The following PRDM16 variants were observed in gnomAD, a reference collection of about 807,000 sequenced individuals.
The protein encoded by PRDM16 is histone-lysine N-methyltransferase PRDM16.
In PRDM16, 23 loss-of-function variants were observed where a neutral mutation model predicts 110.6. The observed-to-expected ratio is 0.21, with a 90% CI of 0.15 to 0.29. The LOEUF (loss-of-function observed/expected upper bound fraction) is 0.29, where lower values mean the gene tolerates loss of function less well. Ranked by LOEUF, PRDM16 falls within the 10% of genes least tolerant of loss-of-function variation. The pLI is 1.00. For synonymous variants in PRDM16, 799 were observed against 781.8 expected (o/e 1.02, Z -0.37); for missense variants, 1,615 against 1,794.3 (o/e 0.90, Z 1.81).
intron 2 of PRDM16, among the ~76,000 whole-genome samples, chr1:3,195,582 C>T (rs1031271797): frequency 1.3e-5 from 2 of 149,724 alleles, no homozygotes; most frequent in African/African-American, 2.5e-5. Context: ...GCATCCCACA[C>T]GCCCCGCCCC....
At chr1:3,329,677 C>A (rs1056276604) in intron 3 of PRDM16, among the ~76,000 whole-genome samples, 1 of 152,234 alleles carries the variant, frequency 6.6e-6, no homozygotes, top group Non-Finnish European at 1.5e-5. Flanking sequence ...TCTCTTCCAG[C>A]TGCCTGGCCC....
In PRDM16 at chr1:3,408,107, C is replaced by T. The variant is rs114590182; in HGVS notation, c.1186+2459C>T. Among the ~76,000 whole-genome samples, 1,008 of 152,302 alleles carry T rather than the reference C, an allele frequency of 6.6e-3. 6 individuals are homozygous for T. Among genetic ancestry groups the T allele is most frequent in the African/African-American group, 0.023 (939 of 41,562 alleles). ...CAAACAAGTGAGGGAGTCCAAATGG[C>T]GTGGCCCTTTCCAGGAATGGTCAGT... On this transcript the variant is annotated intron_variant, in intron 8 of 16. Coordinates refer to ENST00000270722, the MANE Select transcript of PRDM16 (RefSeq NM_022114.4).
chr1:3,382,371 C>T lies in PRDM16; in HGVS notation c.439-2781C>T, dbSNP rs1557643882. Among the ~76,000 whole-genome samples the T allele has an allele frequency of 2.0e-5, 3 of 152,338 alleles. No individual in the cohort carries two copies. Among genetic ancestry groups the T allele is most frequent in the Admixed American group, 6.5e-5 (1 of 15,306 alleles). On this transcript the variant is annotated intron_variant, in intron 3 of 16. Transcript: ENST00000270722. This position sits in a 1 kb window ranked among gnomAD's most constrained non-coding sequence, Gnocchi z 6.6. The stretch of plus-strand genomic sequence containing the variant: ...ACTTGGGCAGGGCAGGCAGTGACCT[C>T]CCTGGACAGCGTGAGGACCCTTCCT...
intron 1 of PRDM16, among the ~76,000 whole-genome samples, chr1:3,146,061 G>A (rs1643645242): frequency 6.6e-6 from 1 of 152,190 alleles, no homozygotes; most frequent in Admixed American, 6.5e-5. Context: ...CGGGACAGAG[G>A]GTTTGGCCGA....
rs55934415 is a variant in PRDM16, at chr1:3,370,084, A to G, written c.439-15068A>G. Among the ~76,000 whole-genome samples the G allele has an allele frequency of 0.029, 4,453 of 152,256 alleles. 201 individuals are homozygous for G. Among genetic ancestry groups the G allele is most frequent in the African/African-American group, 0.097 (4,043 of 41,524 alleles). On this transcript the variant is annotated intron_variant, in intron 3 of 16. Coordinates refer to ENST00000270722, the MANE Select transcript of PRDM16 (RefSeq NM_022114.4). The surrounding 1 kb of genome is among the most constrained non-coding windows in gnomAD (Gnocchi z 4.8). ...CACTAAATATAACTGGGCTGGATCC[A>G]TCCTGGCCCTTCTCCATGCAACCAG...
intron 1 of PRDM16, among the ~76,000 whole-genome samples, chr1:3,089,351 GGGGC>G (rs1553122686): frequency 1.3e-5 from 2 of 152,206 alleles, no homozygotes; most frequent in Non-Finnish European, 2.9e-5. Context: ...ACCCCCCACC[GGGGC>G]TGTGACCCCA....
chr1:3,430,950 GGAC>G lies in PRDM16; in HGVS notation c.3369_3371del (p.Asp1125del). 6.2e-7 allele frequency: 1 copy of G among 1,613,700 alleles called. No individual in the cohort carries two copies. The highest frequency in any genetic ancestry group is 8.5e-7 in the Non-Finnish European group (1 of 1,179,758). ...AGAAGCAGGAGGACGTGGAGGAGGA[GGAC>G]GACGATGACCTGGAGGAGGACGATG... On this transcript the variant is annotated inframe_deletion, in exon 15 of 17. Coordinates refer to ENST00000270722, the MANE Select transcript of PRDM16 (RefSeq NM_022114.4).
chr1:3,141,051 G>C (rs1643541116), intron 1 of PRDM16, among the ~76,000 whole-genome samples: 2 of 152,206 alleles, frequency 1.3e-5, no homozygotes, highest in African/African-American at 4.8e-5. Flanking sequence ...GCACAGGCAA[G>C]GTGGATCCTT....
chr1:3,221,618 A>G (rs947532256), intron 2 of PRDM16, among the ~76,000 whole-genome samples: 1 of 152,228 alleles, frequency 6.6e-6, no homozygotes, highest in African/African-American at 2.4e-5. Flanking sequence ...AGGCAGGGGC[A>G]GCCTCTTGCA....
chr1:3,375,503 G>A (rs555540405), intron 3 of PRDM16, among the ~76,000 whole-genome samples: 2 of 152,250 alleles, frequency 1.3e-5, no homozygotes, highest in African/African-American at 2.4e-5. Flanking sequence ...CGAAGGACGA[G>A]CCACATGCCA....
At chr1:3,079,181 G>A (rs1421972962) in intron 1 of PRDM16, among the ~76,000 whole-genome samples, 1 of 152,248 alleles carries the variant, frequency 6.6e-6, no homozygotes, top group African/African-American at 2.4e-5. Context: ...GGCCTGTTTG[G>A]CCTCAGACTG....
rs145556557 is a variant in PRDM16, at chr1:3,212,776, G to A, written c.387+26302G>A. 1.4e-3 allele frequency among the ~76,000 whole-genome samples: 207 copies of A among 151,924 alleles called. 3 individuals are homozygous for A. The South Asian group carries it at 0.02, about 15-fold the overall frequency. ...GGTTCCCACCAGCACCTGCATTTCC[G>A]CCGCTACCTCGGCGTGGCTCTGCCT... On this transcript the variant is annotated intron_variant, in intron 2 of 16. Coordinates refer to ENST00000270722, the MANE Select transcript of PRDM16 (RefSeq NM_022114.4).
intron 10 of PRDM16, 54 bp from the exon 11 acceptor site, chr1:3,417,774 T>C: frequency 3.3e-6 from 5 of 1,534,506 alleles, no homozygotes; most frequent in Non-Finnish European, 4.5e-6. Context: ...TGCGTGCCCC[T>C]GAAGACAGGT....
chr1:3,365,941 A>C (rs528101986), intron 3 of PRDM16, among the ~76,000 whole-genome samples: 2 of 89,704 alleles, frequency 2.2e-5, no homozygotes, highest in Admixed American at 1.2e-4. Context: ...CATGCACACA[A>C]ACGCACACGC....
Position 3,198,552 on chromosome 1 carries a change from G to T in PRDM16, c.387+12078G>T, listed in dbSNP as rs775880420. 2.6e-5 allele frequency among the ~76,000 whole-genome samples: 4 copies of T among 152,212 alleles called. No homozygotes were observed. In the East Asian group the frequency reaches 7.7e-4, roughly 29 times the overall value. On this transcript the variant is annotated intron_variant, in intron 2 of 16. Coordinates refer to ENST00000270722, the MANE Select transcript of PRDM16 (RefSeq NM_022114.4). ...ACTGGGCCGTGGCCTTCTGGGACGC[G>T]TGGGCAGCACCACCGTGCTTTCCAG...
At chr1:3,412,919 C>A in intron 9 of PRDM16, 119 bp downstream of exon 9, 1 of 840,754 alleles carries the variant, frequency 1.2e-6, no homozygotes, top group Non-Finnish European at 1.7e-6. Flanking sequence ...CCGGCCTTTG[C>A]TGACTTCAGG....
intron 1 of PRDM16, among the ~76,000 whole-genome samples, chr1:3,160,525 C>A (rs1235821904): frequency 2.0e-5 from 3 of 152,308 alleles, no homozygotes; most frequent in Middle Eastern, 6.8e-3. Flanking sequence ...GTAAGGGCGA[C>A]ACAAGGGGAT....
chr1:3,199,252 G>C lies in PRDM16; in HGVS notation c.387+12778G>C, dbSNP rs368259384. Among the ~76,000 whole-genome samples the C allele has an allele frequency of 3.3e-3, 492 of 149,798 alleles. 1 individual carries two copies. The highest frequency in any genetic ancestry group is 5.3e-3 in the South Asian group (25 of 4,736). On this transcript the variant is annotated intron_variant, in intron 2 of 16. Coordinates refer to ENST00000270722, the MANE Select transcript of PRDM16 (RefSeq NM_022114.4). ...GCCGAGGAGCTTGCCTGTGGGCGGA[G>C]AGCCATAGCCAGGTGTCCCCCAAAG...
intron 3 of PRDM16, among the ~76,000 whole-genome samples, chr1:3,272,983 C>T (rs1325746955): frequency 1.3e-5 from 2 of 152,238 alleles, no homozygotes; most frequent in South Asian, 2.1e-4. Flanking sequence ...TGGGACCGTC[C>T]TGGGGGGCTT....
Sources: allele counts gnomAD v4.1 joint callset (sites outside exome capture counted in the v4.1 genomes callset), GRCh38; gene constraint gnomAD v4.1.1; non-coding constraint Gnocchi (gnomAD v3.1); transcripts MANE v1.5; gene names NCBI Gene and HGNC (gene_info 2026-07-23, HGNC 2026-07-21).